AOAH: variants seen among roughly 807,000 people sequenced by gnomAD.
AOAH encodes acyloxyacyl hydrolase (neutrophil).
A neutral mutation model predicts 92.2 loss-of-function variants in AOAH; 64 were observed. The observed-to-expected ratio is 0.69, with a 90% CI of 0.57 to 0.86. The LOEUF (loss-of-function observed/expected upper bound fraction) is 0.86, where lower values mean the gene tolerates loss of function less well. AOAH is among the 40% of genes least tolerant of loss of function. The probability of loss-of-function intolerance (pLI) is 0.00; values close to 1 mark genes in which losing one functional copy is unlikely to be tolerated. For synonymous variants in AOAH, 263 were observed against 254.5 expected (o/e 1.03, Z -0.32); for missense variants, 656 against 694.6 (o/e 0.94, Z 0.62).
chr7:36,717,472 C>T (rs1427013620), intron 1 of AOAH, among the ~76,000 whole-genome samples: 9 of 151,736 alleles, frequency 5.9e-5, no homozygotes, highest in Admixed American at 3.9e-4. Context: ...CACACTTCTG[C>T]GGGCTGAACT....
At chr7:36,649,121 T>C (rs572004851) in intron 4 of AOAH, among the ~76,000 whole-genome samples, 3 of 152,338 alleles carry the variant, frequency 2.0e-5, no homozygotes, top group African/African-American at 7.2e-5. Context: ...ACGTATACAA[T>C]AGAAGCTTAG....
chr7:36,622,263 A>G (rs977128540), intron 7 of AOAH, among the ~76,000 whole-genome samples: 2 of 152,188 alleles, frequency 1.3e-5, no homozygotes, highest in African/African-American at 4.8e-5. Context: ...CAACTTCCCA[A>G]AAACCCTCTA....
chr7:36,722,935 GAAAAAA>G (rs11407908), intron 1 of AOAH, among the ~76,000 whole-genome samples: 2 of 49,462 alleles, frequency 4.0e-5, no homozygotes, highest in African/African-American at 7.8e-5. Context: ...ATCCATCTCA[GAAAAAA>G]AAAAAAAAAA....
At chr7:36,691,896 C>A (rs1211447519) in intron 1 of AOAH, among the ~76,000 whole-genome samples, 1 of 152,156 alleles carries the variant, frequency 6.6e-6, no homozygotes, top group African/African-American at 2.4e-5. Context: ...TGAGCCTGAG[C>A]CAACCTGCTG....
intron 11 of AOAH, among the ~76,000 whole-genome samples, chr7:36,604,695 C>G (rs973674502): frequency 6.6e-6 from 1 of 152,202 alleles, no homozygotes; most frequent in African/African-American, 2.4e-5. Flanking sequence ...AGGATGGAAG[C>G]TGCATGTTGA....
chr7:36,585,510 T>C (rs1291795901), intron 12 of AOAH, among the ~76,000 whole-genome samples: 1 of 152,192 alleles, frequency 6.6e-6, no homozygotes, highest in Non-Finnish European at 1.5e-5. Context: ...TCCTCACACA[T>C]ATTCCAAAGA....
In AOAH at chr7:36,555,093, C is replaced by G. The variant is rs1488450093; in HGVS notation, c.1022-5618G>C. Among the ~76,000 whole-genome samples the G allele has an allele frequency of 2.7e-5, 4 of 147,546 alleles. No homozygotes were observed. The East Asian group carries it at 5.9e-4, about 22-fold the overall frequency. On this transcript the variant is annotated intron_variant, in intron 13 of 20. Transcript: ENST00000617537. ...TCAAAGGGAATGCTTCCAGTTTTTG[C>G]CCATTCAGTATGATATTGGCTGTGG...
intron 1 of AOAH, among the ~76,000 whole-genome samples, chr7:36,710,922 G>A (rs530224563): frequency 1.2e-4 from 18 of 152,088 alleles, no homozygotes; most frequent in Middle Eastern, 3.4e-3. Flanking sequence ...CAGGCTGTTC[G>A]CATCACCCTG....
At chr7:36,637,127 A>G in intron 5 of AOAH, among the ~76,000 whole-genome samples, 1 of 152,204 alleles carries the variant, frequency 6.6e-6, no homozygotes, top group East Asian at 1.9e-4. Context: ...AGCCTGCGAG[A>G]ACTGATCTGA....
Position 36,540,312 on chromosome 7 carries a change from C to T in AOAH, c.1306+7G>A, listed in dbSNP as rs146048519. 4,124 of 1,605,408 alleles carry T rather than the reference C, an allele frequency of 2.6e-3. 18 individuals are homozygous for T. The highest frequency in any genetic ancestry group is 3.1e-3 in the Non-Finnish European group (3,657 of 1,175,034). On this transcript the variant is annotated splice_region_variant and intron_variant, in intron 16 of 20. Transcript: ENST00000617537. ...ATTAAAGAGTAAAAGAATCTTCAAA[C>T]TGATACCGAGAGGATGATATCTGTT...
chr7:36,553,206 G>A (rs1273742963), intron 13 of AOAH, among the ~76,000 whole-genome samples: 1 of 145,910 alleles, frequency 6.9e-6, no homozygotes, highest in Non-Finnish European at 1.5e-5. Flanking sequence ...ATCTATGAGT[G>A]AGAACATGCG....
intron 1 of AOAH, among the ~76,000 whole-genome samples, chr7:36,704,113 G>GT (rs935260723): frequency 1.7e-4 from 25 of 151,352 alleles, no homozygotes; most frequent in Admixed American, 8.6e-4. Flanking sequence ...TGATGATGAG[G>GT]TTTTTTTTTC....
Position 36,513,261 on chromosome 7 carries a change from G to A in AOAH, c.1719C>T (p.Gly573=), listed in dbSNP as rs573274660. ...CATGCTCCTGAGAGGCTCAGTGCCC[G>A]CCTTGGTCTCCAAACACCTGTTTAA... is the stretch of plus-strand genomic sequence containing the variant. ...PQIKQVFGDQ[G]GH The change falls in exon 21 of 21, where the codon GGC becomes GGT. Residue 573 remains glycine (G), a synonymous_variant. Coordinates refer to ENST00000617537, the MANE Select transcript of AOAH (RefSeq NM_001637.4). 65 of 1,614,144 alleles carry A rather than the reference G, an allele frequency of 4.0e-5. No individual in the cohort carries two copies. The highest frequency in any genetic ancestry group is 4.9e-5 in the Non-Finnish European group (58 of 1,180,014).
At chr7:36,674,988 C>T (rs866774233) in intron 2 of AOAH, among the ~76,000 whole-genome samples, 2 of 152,262 alleles carry the variant, frequency 1.3e-5, no homozygotes, top group South Asian at 2.1e-4. Flanking sequence ...GGTGCAGCGG[C>T]TCACGCCTGT....
chr7:36,659,801 C>T (rs1795105400), intron 3 of AOAH, among the ~76,000 whole-genome samples: 1 of 136,920 alleles, frequency 7.3e-6, no homozygotes, highest in African/African-American at 2.8e-5. Flanking sequence ...TTTTGTCAGG[C>T]CTCTGAGCCG....
At chr7:36,679,178 TCCTTTCTCATAA>T (rs1212813006) in intron 2 of AOAH, among the ~76,000 whole-genome samples, 2 of 152,086 alleles carry the variant, frequency 1.3e-5, no homozygotes, top group Non-Finnish European at 2.9e-5. Context: ...TACCATCACT[TCCTTTCTCATAA>T]GAATCTTTTC....
In AOAH at chr7:36,673,944, G is replaced by C. The variant is rs1796086230; in HGVS notation, c.289C>G (p.Leu97Val). Reference protein sequence around the residue: ...IDKFGSDIIKLLSADMNADVV... With the variant: ...IDKFGSDIIKVLSADMNADVV... ...AGTTATGTGTCATGGCATACTCACA[G>C]TTTTATGATGTCTGATCCAAACTTG... The change falls in exon 3 of 21, where the codon CTG becomes GTG. Residue 97 changes from leucine (L) to valine (V), a missense_variant and splice_region_variant. Transcript: ENST00000617537. The C allele has an allele frequency of 6.2e-7, 1 of 1,606,698 alleles. No homozygotes were observed. Among genetic ancestry groups the C allele is most frequent in the East Asian group, 2.2e-5 (1 of 44,804 alleles).
intron 19 of AOAH, among the ~76,000 whole-genome samples, chr7:36,527,756 G>C (rs190260323): frequency 2.0e-5 from 3 of 152,202 alleles, no homozygotes; most frequent in Non-Finnish European, 4.4e-5. Context: ...GTCTGAGCTG[G>C]AATAGGAAGA....
intron 3 of AOAH, among the ~76,000 whole-genome samples, chr7:36,672,385 A>G (rs1795990887): frequency 6.6e-6 from 1 of 152,228 alleles, no homozygotes; most frequent in African/African-American, 2.4e-5. Context: ...ATGCCCATCA[A>G]TGATAGACTG....
Sources: allele counts gnomAD v4.1 joint callset (sites outside exome capture counted in the v4.1 genomes callset), GRCh38; gene constraint gnomAD v4.1.1; transcripts MANE v1.5; gene names NCBI Gene and HGNC (gene_info 2026-07-23, HGNC 2026-07-21).